PRICKLE4: variants seen among roughly 807,000 people sequenced by gnomAD.
PRICKLE4 encodes prickle planar cell polarity protein 4.
PRICKLE4 carries 40 observed loss-of-function variants against 43.5 expected under a neutral mutation model. The ratio of observed to expected loss-of-function variants is 0.92; its 90% CI spans 0.71 to 1.20. PRICKLE4 has a LOEUF of 1.20. PRICKLE4 is among the 50% of genes most tolerant of loss of function. The pLI is 0.00. For synonymous variants in PRICKLE4, 208 were observed against 197.4 expected, an observed-to-expected ratio of 1.05 and a Z score of -0.45; for missense variants, 527 against 491.2, an observed-to-expected ratio of 1.07 and a Z score of -0.69.
At chr6:41,784,881 C>T in intron 4 of PRICKLE4, 54 bp from the exon 5 acceptor site, 2 of 1,606,846 alleles carry the variant, frequency 1.2e-6, no homozygotes, top group South Asian at 1.1e-5. Flanking sequence ...CCAACCAATG[C>T]TCAATGTTTT....
chr6:41,785,214 T>C (rs941517433), intron 5 of PRICKLE4, 123 bp from the exon 6 acceptor site: 117 of 1,507,650 alleles, frequency 7.8e-5, no homozygotes, highest in Non-Finnish European at 1.0e-4. Context: ...TTGGTATAGG[T>C]TGCAGTGGAT....
chr6:41,782,407 T>TTGG (rs1772567958), intron 2 of PRICKLE4, among the ~76,000 whole-genome samples: 1 of 133,954 alleles, frequency 7.5e-6, no homozygotes, highest in South Asian at 2.5e-4. Flanking sequence ...TTTTTTTTTT[T>TTGG]GAGACGGAGT....
In PRICKLE4 at chr6:41,786,346, T is replaced by G. The variant is rs778502071; in HGVS notation, c.787+14T>G. On this transcript the variant is annotated intron_variant, in intron 7 of 7. Coordinates refer to ENST00000458694, the MANE Select transcript of PRICKLE4 (RefSeq NM_013397.6). ...AGGCATTCCTTGGTAAGGGAGAGGATGCAGAGCAAAGCGGGAGGGAGCTTG... is the reference window on the plus strand; with the variant it reads ...AGGCATTCCTTGGTAAGGGAGAGGAGGCAGAGCAAAGCGGGAGGGAGCTTG... The G allele has an allele frequency of 6.4e-7, 1 of 1,551,706 alleles. No homozygotes were observed. The highest frequency in any genetic ancestry group is 1.4e-5 in the African/African-American group (1 of 73,624).
Position 41,784,250 on chromosome 6 carries a change from C to A in PRICKLE4, c.240+12C>A. 6.4e-7 allele frequency: 1 copy of A among 1,571,990 alleles called. No homozygotes were observed. Among genetic ancestry groups the A allele is most frequent in the Non-Finnish European group, 8.7e-7 (1 of 1,149,550 alleles). ...CGCAGGACATTGATGTGGGTCTCCTCTCCCCATCTTCCCTCTCTTGCCTTT... is the reference window on the plus strand; with the variant it reads ...CGCAGGACATTGATGTGGGTCTCCTATCCCCATCTTCCCTCTCTTGCCTTT... On this transcript the variant is annotated intron_variant, in intron 4 of 7. Transcript: ENST00000458694.
rs1404189547 is a variant in PRICKLE4 at position 41,786,900 on chromosome 6, A to G, written c.926A>G (p.Gln309Arg). ...QRGLPGSSPQ[Q>R]ENRPGDKAEA... is the part of the protein sequence containing the mutation. ...GGGCTGCCTGGATCCAGTCCCCAGCAGGAGAACCGACCTGGGGACAAAGCG... is the reference window on the plus strand; with the variant it reads ...GGGCTGCCTGGATCCAGTCCCCAGCGGGAGAACCGACCTGGGGACAAAGCG... Residue 309 changes from glutamine to arginine, a missense_variant, in exon 8 of 8, where the codon CAG becomes CGG. Gln to Arg is a conservative substitution (Grantham distance 43). Transcript: ENST00000458694. The G allele has an allele frequency of 2.5e-6, 4 of 1,612,208 alleles. No homozygotes were observed. Among genetic ancestry groups the G allele is most frequent in the Non-Finnish European group, 2.5e-6 (3 of 1,178,896 alleles).
intron 3 of PRICKLE4, 121 bp downstream of exon 3, chr6:41,783,726 CTT>C (rs1265321943): frequency 7.1e-7 from 1 of 1,415,338 alleles, no homozygotes; most frequent in Non-Finnish European, 9.9e-7. Flanking sequence ...GCCTTTTTCT[CTT>C]TTCAGGAATT....
In PRICKLE4 at chr6:41,787,196, G is replaced by A. The variant is rs1772679715; in HGVS notation, c.*67G>A. On this transcript the variant is annotated 3_prime_UTR_variant, in exon 8 of 8. Transcript: ENST00000458694. Reference sequence around the variant, plus strand: ...TCTGTAAAGCGGGAGAACAAGGCTAGCCTCCCCCTAACAATCCTAGACTGA... The same window carrying A: ...TCTGTAAAGCGGGAGAACAAGGCTAACCTCCCCCTAACAATCCTAGACTGA... 6.6e-7 allele frequency: 1 copy of A among 1,511,242 alleles called. No individual in the cohort carries two copies. Among genetic ancestry groups the A allele is most frequent in the African/African-American group, 1.4e-5 (1 of 71,934 alleles). 93.6% of individuals were successfully genotyped at this position (1,511,242 alleles called of 1,614,324 possible). A position where few individuals can be genotyped will look rare whatever the true frequency, so the allele number is the denominator to read the frequency against.
chr6:41,782,272 A>G (rs1332065617), intron 2 of PRICKLE4, among the ~76,000 whole-genome samples: 1 of 151,216 alleles, frequency 6.6e-6, no homozygotes, highest in Non-Finnish European at 1.5e-5. Flanking sequence ...GGGTTTCCCC[A>G]TGTTGGCCAG....
At chr6:41,785,640 G>T in intron 6 of PRICKLE4, 100 bp downstream of exon 6, 1 of 1,305,856 alleles carries the variant, frequency 7.7e-7, no homozygotes, top group Non-Finnish European at 1.0e-6. Context: ...CAGTATCAGG[G>T]AGTGGGGAGA....
chr6:41,783,377 G>T, intron 2 of PRICKLE4, 85 bp from the exon 3 acceptor site: 1 of 1,329,020 alleles, frequency 7.5e-7, no homozygotes, highest in Non-Finnish European at 1.0e-6. Context: ...AGGACTGAGG[G>T]AAATAATATC....
chr6:41,786,813 C>T lies in PRICKLE4; in HGVS notation c.839C>T (p.Ser280Phe). 2 of 1,598,344 alleles carry T rather than the reference C, an allele frequency of 1.3e-6. No individual in the cohort carries two copies. The highest frequency in any genetic ancestry group is 1.7e-6 in the Non-Finnish European group (2 of 1,174,882). ...TEGRDQTSVN[S>F]ATLSRTLLAA... ...GGAAGGGACCAAACCTCGGTGAACT[C>T]TGCAACCCTCTCCCGAACACTCCTC... is the stretch of plus-strand genomic sequence containing the variant. Residue 280 changes from serine to phenylalanine, a missense_variant, in exon 8 of 8, where the codon TCT becomes TTT. Transcript: ENST00000458694.
Position 41,787,181 on chromosome 6 carries a change from G to C in PRICKLE4, c.*52G>C. Reference sequence around the variant, plus strand: ...GTGGGAGGAAAGGGGTCTGTAAAGCGGGAGAACAAGGCTAGCCTCCCCCTA... The same window carrying C: ...GTGGGAGGAAAGGGGTCTGTAAAGCCGGAGAACAAGGCTAGCCTCCCCCTA... On this transcript the variant is annotated 3_prime_UTR_variant, in exon 8 of 8. Transcript: ENST00000458694. 6.5e-7 allele frequency: 1 copy of C among 1,529,776 alleles called. No homozygotes were observed. The highest frequency in any genetic ancestry group is 1.3e-5 in the South Asian group (1 of 79,546). The allele number at this position is 1,529,776 out of a possible 1,614,324, so 94.8% of individuals were successfully genotyped here.
Position 41,785,392 on chromosome 6 carries a change from A to G in PRICKLE4, c.434A>G (p.Glu145Gly), listed in dbSNP as rs1772624690. 4 of 1,614,108 alleles carry G rather than the reference A, an allele frequency of 2.5e-6. No individual in the cohort carries two copies. The highest frequency in any genetic ancestry group is 3.4e-6 in the Non-Finnish European group (4 of 1,180,026). Reference sequence around the variant, plus strand: ...GGAGTGTTTGCAGCCCGGGCAGGGGAACAGCGCTGCTGGCACCAGCCTTGC... The same window carrying G: ...GGAGTGTTTGCAGCCCGGGCAGGGGGACAGCGCTGCTGGCACCAGCCTTGC... ...EYGVFAARAG[E>G]QRCWHQPCFA... Residue 145 changes from glutamate (E) to glycine (G), a missense_variant, in exon 6 of 8, where the codon GAA becomes GGA. Coordinates refer to ENST00000458694, the MANE Select transcript of PRICKLE4 (RefSeq NM_013397.6).
At chr6:41,783,364 G>C in intron 2 of PRICKLE4, 98 bp from the exon 3 acceptor site, 1 of 1,254,336 alleles carries the variant, frequency 8.0e-7, no homozygotes, top group South Asian at 1.8e-5. Flanking sequence ...TTTGGGTGTT[G>C]GGAGGACTGA....
chr6:41,786,632 C>T (rs10947987), intron 7 of PRICKLE4, 130 bp from the exon 8 acceptor site: 630,531 of 1,409,954 alleles, frequency 0.45, 142,043 homozygotes, highest in Admixed American at 0.51. Context: ...CGAGGACTCT[C>T]GGCGGCGGCG....
chr6:41,783,647 T>C (rs753506426), intron 3 of PRICKLE4, 42 bp downstream of exon 3: 2 of 1,613,914 alleles, frequency 1.2e-6, no homozygotes, highest in Non-Finnish European at 1.7e-6. Context: ...ACATGTCCTC[T>C]ATCCTGTGGA....
rs1772686473 is a variant in PRICKLE4, at chr6:41,787,444, C to G, written c.*315C>G. 2 of 622,332 alleles carry G rather than the reference C, an allele frequency of 3.2e-6. No individual in the cohort carries two copies. Among genetic ancestry groups the G allele is most frequent in the East Asian group, 5.7e-5 (2 of 35,004 alleles). 38.6% of individuals were successfully genotyped at this position (622,332 alleles called of 1,614,324 possible). ...TCCCAAGCCAATTAAATGATCACAGCACGCGTGACAGTTACCGGCTGGAGA... is the reference window on the plus strand; with the variant it reads ...TCCCAAGCCAATTAAATGATCACAGGACGCGTGACAGTTACCGGCTGGAGA... On this transcript the variant is annotated 3_prime_UTR_variant, in exon 8 of 8. Transcript: ENST00000458694.
At chr6:41,786,661 G>GGGCTGGGCGGGGCGGGA in intron 7 of PRICKLE4, 101 bp from the exon 8 acceptor site, 3 of 1,572,092 alleles carry the variant, frequency 1.9e-6, no homozygotes, top group Non-Finnish European at 2.6e-6. Flanking sequence ...CACGGCCCAG[G>GGGCTGGGCGGGGCGGGA]GGCTGGGCGG....
intron 2 of PRICKLE4, among the ~76,000 whole-genome samples, chr6:41,782,285 T>C (rs1772565469): frequency 1.3e-5 from 2 of 152,030 alleles, no homozygotes; most frequent in Admixed American, 1.3e-4. Context: ...TTGGCCAGGA[T>C]GGTCTCGAAC....
Sources: gnomAD v4.1 joint callset for allele counts (sites outside exome capture counted in the v4.1 genomes callset) on GRCh38, gnomAD v4.1.1 for gene constraint, MANE v1.5 for transcripts, NCBI Gene and HGNC (gene_info 2026-07-23, HGNC 2026-07-21) for gene names.